Variants in MEGF6 observed in about 807,000 individuals in gnomAD.
The protein encoded by MEGF6 is multiple epidermal growth factor-like domains protein 6.
A neutral mutation model predicts 207.1 loss-of-function variants in MEGF6; 184 were observed. The observed-to-expected ratio is 0.89, with a 90% CI of 0.79 to 1.00. MEGF6 has a LOEUF of 1.00. Among genes scored for constraint, MEGF6 ranks in the 50% least tolerant of loss-of-function variants. The pLI is 0.00. For missense variants in MEGF6, 2,282 were observed against 2,202.9 expected (o/e 1.04, Z -0.72); for synonymous variants, 1,038 against 910.0 (o/e 1.14, Z -2.53).
chr1:3,577,983 G>A (rs1202060874), intron 4 of MEGF6, among the ~76,000 whole-genome samples: 3 of 152,348 alleles, frequency 2.0e-5, no homozygotes, highest in Non-Finnish European at 4.4e-5. Context: ...GGGTCCACGC[G>A]TCAGGGTCTC....
chr1:3,516,982 G>T (rs1260203505), intron 5 of MEGF6, among the ~76,000 whole-genome samples: 1 of 152,214 alleles, frequency 6.6e-6, no homozygotes, highest in Non-Finnish European at 1.5e-5. Flanking sequence ...GCCCAGACAA[G>T]ATGGGAGCTG....
intron 4 of MEGF6, among the ~76,000 whole-genome samples, chr1:3,544,348 G>A (rs560594847): frequency 7.8e-4 from 119 of 151,688 alleles, no homozygotes; most frequent in African/African-American, 2.8e-3. Flanking sequence ...CTGCAGGGCG[G>A]CACCTGTCCC....
chr1:3,569,987 G>A (rs1218839648), intron 4 of MEGF6, among the ~76,000 whole-genome samples: 1 of 152,222 alleles, frequency 6.6e-6, no homozygotes, highest in Non-Finnish European at 1.5e-5. Context: ...TGGGTGGCAG[G>A]GAAGGGGGAG....
intron 4 of MEGF6, among the ~76,000 whole-genome samples, chr1:3,561,140 G>A (rs964745849): frequency 6.6e-6 from 1 of 152,176 alleles, no homozygotes; most frequent in Non-Finnish European, 1.5e-5. Context: ...ACGGCAGGTC[G>A]GGTGGAGGCT....
At chr1:3,596,689 C>T (rs1644073519) in intron 2 of MEGF6, among the ~76,000 whole-genome samples, 1 of 145,722 alleles carries the variant, frequency 6.9e-6, no homozygotes, top group Non-Finnish European at 1.5e-5. Flanking sequence ...ACCCTGTCTC[C>T]ACCCCAGGGC....
At chr1:3,561,091 C>T (rs528144876) in intron 4 of MEGF6, among the ~76,000 whole-genome samples, 1 of 152,180 alleles carries the variant, frequency 6.6e-6, no homozygotes, top group Non-Finnish European at 1.5e-5. Context: ...GGTAAAGGAC[C>T]CGCTGGCAGG....
At chr1:3,550,825 C>T (rs1642861195) in intron 4 of MEGF6, among the ~76,000 whole-genome samples, 1 of 152,246 alleles carries the variant, frequency 6.6e-6, no homozygotes, top group Non-Finnish European at 1.5e-5. Context: ...GGGCCCACAC[C>T]CCCACCGCCC....
intron 4 of MEGF6, 65 bp from the exon 5 acceptor site, chr1:3,524,311 C>T (rs540315735): frequency 1.3e-6 from 2 of 1,572,126 alleles, no homozygotes; most frequent in African/African-American, 1.3e-5. Context: ...CCAACACAGC[C>T]CCCCAGGTGC....
At chr1:3,557,482 G>T (rs114424306) in intron 4 of MEGF6, among the ~76,000 whole-genome samples, 2 of 152,194 alleles carry the variant, frequency 1.3e-5, no homozygotes, top group Non-Finnish European at 2.9e-5. Flanking sequence ...AAGCAAGCCC[G>T]GCGTCCAGGC....
At chr1:3,599,305 G>A (rs1644122783) in intron 2 of MEGF6, among the ~76,000 whole-genome samples, 1 of 152,230 alleles carries the variant, frequency 6.6e-6, no homozygotes, top group Admixed American at 6.5e-5. Flanking sequence ...GTGTCTCCTT[G>A]TCTGTCCAGG....
intron 4 of MEGF6, among the ~76,000 whole-genome samples, chr1:3,540,883 C>T (rs1011906893): frequency 6.6e-6 from 1 of 152,232 alleles, no homozygotes; most frequent in Non-Finnish European, 1.5e-5. Context: ...GGGACACCGA[C>T]ATTCAGGTCG....
chr1:3,611,479 AG>A lies in MEGF6; in HGVS notation c.-212del, dbSNP rs1644326047. On this transcript the variant is annotated 5_prime_UTR_variant, in exon 1 of 37. Transcript: ENST00000356575. ...GACCTGATCGCCGGGTCCACCCTGC[AG>A]GAACTCGCCCCGGCGCGTTGAGCAC... The A allele has an allele frequency of 1.7e-6, 1 of 580,076 alleles. No individual in the cohort carries two copies. Among genetic ancestry groups the A allele is most frequent in the South Asian group, 3.8e-5 (1 of 26,028 alleles). 35.9% of individuals were successfully genotyped at this position (580,076 alleles called of 1,614,324 possible). A position where few individuals can be genotyped will look rare whatever the true frequency, so the allele number is the denominator to read the frequency against.
At chr1:3,554,146 GC>G (rs929893899) in intron 4 of MEGF6, among the ~76,000 whole-genome samples, 3 of 152,066 alleles carry the variant, frequency 2.0e-5, no homozygotes, top group Admixed American at 2.0e-4. Flanking sequence ...GCCCCATCCC[GC>G]CCCCGGCAGC....
chr1:3,578,218 C>G (rs1294120380), intron 4 of MEGF6, among the ~76,000 whole-genome samples: 1 of 152,220 alleles, frequency 6.6e-6, no homozygotes, highest in East Asian at 1.9e-4. Context: ...GCCACAGCCC[C>G]GTCCCGGAAA....
chr1:3,503,363 T>C (rs981856023), intron 17 of MEGF6, among the ~76,000 whole-genome samples: 5 of 149,996 alleles, frequency 3.3e-5, no homozygotes, highest in Non-Finnish European at 7.4e-5. Context: ...CAAGAGGGGA[T>C]GTTATCTTTA....
chr1:3,497,542 G>A (rs774775688), intron 26 of MEGF6, 181 bp from the exon 27 acceptor site: 11 of 817,386 alleles, frequency 1.3e-5, no homozygotes, highest in East Asian at 2.7e-5. Flanking sequence ...GGCAGGCCCC[G>A]GTGGCAAGGT....
chr1:3,537,621 C>T (rs1437347722), intron 4 of MEGF6, among the ~76,000 whole-genome samples: 3 of 152,214 alleles, frequency 2.0e-5, no homozygotes, highest in Non-Finnish European at 2.9e-5. Context: ...CCACGGAAGG[C>T]GGGAGAAGGC....
intron 2 of MEGF6, among the ~76,000 whole-genome samples, chr1:3,598,873 C>T (rs901777992): frequency 4.6e-5 from 7 of 152,098 alleles, no homozygotes; most frequent in African/African-American, 1.4e-4. Flanking sequence ...AGGGACCTTG[C>T]TCTGCAGAGC....
In MEGF6 at chr1:3,498,232, C is replaced by T. The variant is rs182392963; in HGVS notation, c.3352+139G>A. 54 of 1,118,780 alleles carry T rather than the reference C, an allele frequency of 4.8e-5. No homozygotes were observed. In the Admixed American group the frequency reaches 7.5e-4, roughly 16 times the overall value. The allele number at this position is 1,118,780 out of a possible 1,614,324, so 69.3% of individuals were successfully genotyped here. ...TCCCAACAGGGTCTTAGTGCTCCGA[C>T]GGCAGCTCTTGCATTCACAGGACAA... is the stretch of plus-strand genomic sequence containing the variant. On this transcript the variant is annotated intron_variant, in intron 26 of 36. Coordinates refer to ENST00000356575, the MANE Select transcript of MEGF6 (RefSeq NM_001409.4).
Sources: allele counts gnomAD v4.1 joint callset (sites outside exome capture counted in the v4.1 genomes callset), GRCh38; gene constraint gnomAD v4.1.1; transcripts MANE v1.5; gene names NCBI Gene and HGNC (gene_info 2026-07-23, HGNC 2026-07-21).